The following MICAL2 variants were observed in gnomAD, a reference collection of about 807,000 sequenced individuals.
The protein encoded by MICAL2 is microtubule associated monooxygenase, calponin and LIM domain containing 2.
A neutral mutation model predicts 127.3 loss-of-function variants in MICAL2; 77 were observed. The observed-to-expected ratio is 0.60, with a 90% CI of 0.50 to 0.73. The LOEUF is 0.73. Among genes scored for constraint, MICAL2 ranks in the 30% least tolerant of loss-of-function variants. The probability of loss-of-function intolerance (pLI) is 0.00; values close to 1 mark genes in which losing one functional copy is unlikely to be tolerated. For missense variants in MICAL2, 1,351 were observed against 1,434.4 expected, an observed-to-expected ratio of 0.94 and a Z score of 0.94; for synonymous variants, 570 against 551.1, an observed-to-expected ratio of 1.03 and a Z score of -0.48.
chr11:12,256,656 T>C lies in MICAL2; in HGVS notation c.2956-129T>C, dbSNP rs962034899. Reference sequence around the variant, plus strand: ...TCCTACCCCTCCCTCTTTGCTGCAGTGGCAGTAGCAGGAAGCAGAAGCCCA... The same window carrying C: ...TCCTACCCCTCCCTCTTTGCTGCAGCGGCAGTAGCAGGAAGCAGAAGCCCA... On this transcript the variant is annotated intron_variant, in intron 23 of 27. Coordinates refer to ENST00000683283, the MANE Select transcript of MICAL2 (RefSeq NM_001282663.2). 6 of 827,032 alleles carry C rather than the reference T, an allele frequency of 7.3e-6. 1 individual carries two copies. The highest frequency in any genetic ancestry group is 5.7e-5 in the South Asian group (3 of 52,704). The allele number at this position is 827,032 out of a possible 1,614,324, so 51.2% of individuals were successfully genotyped here. A position where few individuals can be genotyped will look rare whatever the true frequency, so the allele number is the denominator to read the frequency against.
At chr11:12,125,550 G>A (rs1007901794) in intron 1 of MICAL2, among the ~76,000 whole-genome samples, 3 of 145,216 alleles carry the variant, frequency 2.1e-5, no homozygotes, top group Admixed American at 1.4e-4. Context: ...CACCGTGCCC[G>A]GCATCTTTTT....
At chr11:12,250,851 C>G (rs1203274947) in intron 22 of MICAL2, among the ~76,000 whole-genome samples, 1 of 152,158 alleles carries the variant, frequency 6.6e-6, no homozygotes, top group African/African-American at 2.4e-5. Flanking sequence ...GACCAGCCTC[C>G]CCAGGAGTGT....
At chr11:12,288,199 G>A (rs1863851580), downstream of MICAL2, among the ~76,000 whole-genome samples, 1 of 152,224 alleles carries the variant, frequency 6.6e-6, no homozygotes, top group Non-Finnish European at 1.5e-5. Flanking sequence ...TCCTCTGACA[G>A]CCCCCAGCGG....
downstream of MICAL2, among the ~76,000 whole-genome samples, chr11:12,289,507 T>C (rs1377546653): frequency 6.6e-6 from 1 of 151,822 alleles, no homozygotes; most frequent in African/African-American, 2.4e-5. Flanking sequence ...GTTCATATTT[T>C]GCTGACAACT....
intron 32 of MICAL2, among the ~76,000 whole-genome samples, chr11:12,339,098 T>G (rs946399373): frequency 1.2e-4 from 19 of 152,120 alleles, no homozygotes. Context: ...ACACCAGTCA[T>G]ACGTAGATTT....
At position 12,222,749 on chromosome 11, in the gene MICAL2, T is replaced by G; in HGVS notation, c.1449+6T>G. 1 of 1,614,126 alleles carries G rather than the reference T, an allele frequency of 6.2e-7. No individual in the cohort carries two copies. The highest frequency in any genetic ancestry group is 8.5e-7 in the Non-Finnish European group (1 of 1,180,020). On this transcript the variant is annotated splice_donor_region_variant and intron_variant, in intron 11 of 27. Coordinates refer to ENST00000683283, the MANE Select transcript of MICAL2 (RefSeq NM_001282663.2). ...ACTGTGTCAGGCCCCATCAGGCAAG[T>G]CCATTGCTGGGGCTCTGTCTGAATC...
At chr11:12,182,959 T>C (rs748421225) in intron 3 of MICAL2, among the ~76,000 whole-genome samples, 19 of 152,178 alleles carry the variant, frequency 1.2e-4, no homozygotes, top group Non-Finnish European at 2.6e-4. Context: ...TTAATCATTG[T>C]CCTCGGTGGC....
chr11:12,315,531 T>G (rs1255276638), intron 29 of MICAL2, among the ~76,000 whole-genome samples: 1 of 152,218 alleles, frequency 6.6e-6, no homozygotes, highest in East Asian at 1.9e-4. Context: ...TCTCAAATAT[T>G]TTGTGGATAT....
chr11:12,188,649 T>C (rs1408523227), intron 3 of MICAL2, among the ~76,000 whole-genome samples: 1 of 152,140 alleles, frequency 6.6e-6, no homozygotes, highest in Admixed American at 6.5e-5. Flanking sequence ...ACAATGACAC[T>C]AAAATTGGAG....
intron 5 of MICAL2, 76 bp downstream of exon 5, chr11:12,208,215 GTGTTTC>G: frequency 8.3e-7 from 1 of 1,205,872 alleles, no homozygotes; most frequent in Non-Finnish European, 1.2e-6. Flanking sequence ...CTTCCAAAGG[GTGTTTC>G]TGTAGGAGTT....
chr11:12,259,438 T>C (rs1862800142), intron 25 of MICAL2, among the ~76,000 whole-genome samples: 1 of 152,268 alleles, frequency 6.6e-6, no homozygotes, highest in Non-Finnish European at 1.5e-5. Context: ...ACCACTTCTG[T>C]ATTACTGGAT....
rs561029935 is a variant in MICAL2 at position 12,187,358 on chromosome 11, A to G, written c.265-16892A>G. 7.2e-5 allele frequency among the ~76,000 whole-genome samples: 11 copies of G among 152,336 alleles called. No individual in the cohort carries two copies. The South Asian group carries it at 2.1e-3, about 29-fold the overall frequency. On this transcript the variant is annotated intron_variant, in intron 3 of 27. Transcript: ENST00000683283. ...TTCAGTTAATATTTTTTTCTAAATA[A>G]TTAGTGAAGCATCCTGGCCAGGGTT...
intron 32 of MICAL2, among the ~76,000 whole-genome samples, chr11:12,329,943 G>T (rs992424984): frequency 6.6e-6 from 1 of 151,250 alleles, no homozygotes; most frequent in Non-Finnish European, 1.5e-5. Context: ...GTGATGTTTC[G>T]GAGGTGTGCC....
At chr11:12,204,511 G>A (rs1854424585) in intron 4 of MICAL2, 54 bp downstream of exon 4, 1 of 1,561,722 alleles carries the variant, frequency 6.4e-7, no homozygotes, top group East Asian at 2.2e-5. Context: ...ACCCTGGGTG[G>A]GACATATCTC....
chr11:12,213,112 C>T (rs1185999854), intron 6 of MICAL2, 143 bp from the exon 7 acceptor site: 2 of 938,392 alleles, frequency 2.1e-6, no homozygotes, highest in Non-Finnish European at 3.1e-6. Flanking sequence ...TTCGGTATTT[C>T]TGCCCGCTCC....
At chr11:12,357,004 C>T (rs550490165) in intron 34 of MICAL2, among the ~76,000 whole-genome samples, 1 of 152,358 alleles carries the variant, frequency 6.6e-6, no homozygotes, top group Non-Finnish European at 1.5e-5. Flanking sequence ...TTCTAAGGCC[C>T]AGAATGGAGA....
At chr11:12,174,548 A>G (rs1245005535) in intron 3 of MICAL2, among the ~76,000 whole-genome samples, 1 of 151,664 alleles carries the variant, frequency 6.6e-6, no homozygotes, top group East Asian at 1.9e-4. Context: ...ATTCTATCCT[A>G]TGTATGTACT....
chr11:12,216,137 A>G, intron 7 of MICAL2, 82 bp from the exon 8 acceptor site: 1 of 1,024,998 alleles, frequency 9.8e-7, no homozygotes, highest in Non-Finnish European at 1.5e-6. Flanking sequence ...TAACAAGACC[A>G]ATAGTGAGGC....
intron 2 of MICAL2, among the ~76,000 whole-genome samples, chr11:12,286,432 C>T (rs182465621): frequency 5.8e-4 from 88 of 152,292 alleles, no homozygotes; most frequent in Middle Eastern, 6.8e-3. Context: ...TGTGCATGTA[C>T]GTATGTACAC....
Sources: gnomAD v4.1 joint callset for allele counts (sites outside exome capture counted in the v4.1 genomes callset) on GRCh38, gnomAD v4.1.1 for gene constraint, MANE v1.5 for transcripts, NCBI Gene and HGNC (gene_info 2026-07-23, HGNC 2026-07-21) for gene names.